GPSM2: variants seen among roughly 807,000 people sequenced by gnomAD.
The protein encoded by GPSM2 is G protein signaling modulator 2.
GPSM2 carries 58 observed loss-of-function variants against 78.4 expected under a neutral mutation model. The observed-to-expected ratio is 0.74, with a 90% CI of 0.60 to 0.92. The LOEUF (loss-of-function observed/expected upper bound fraction) is 0.92, where lower values mean the gene tolerates loss of function less well. GPSM2 is among the 40% of genes least tolerant of loss of function. The probability of loss-of-function intolerance (pLI) is 0.00; values close to 1 mark genes in which losing one functional copy is unlikely to be tolerated. For synonymous variants in GPSM2, 224 were observed against 280.2 expected (o/e 0.80, Z 2.00); for missense variants, 700 against 815.5 (o/e 0.86, Z 1.73).
chr1:108,884,596 A>G (rs1369130729), intron 1 of GPSM2, among the ~76,000 whole-genome samples: 3 of 152,204 alleles, frequency 2.0e-5, no homozygotes, highest in Non-Finnish European at 4.4e-5. Flanking sequence ...AAGGAACAAA[A>G]TACAGTTTAG....
chr1:108,904,069 C>T lies in GPSM2; in HGVS notation c.1063-56C>T, dbSNP rs1006455136. The stretch of plus-strand genomic sequence containing the variant: ...TAGGTTCACTACATTTACAAATAAT[C>T]TTCACCATTCTTTCTCTTTAAATAC... On this transcript the variant is annotated intron_variant, in intron 9 of 14. Coordinates refer to ENST00000264126, the MANE Select transcript of GPSM2 (RefSeq NM_013296.5). 3.4e-5 allele frequency: 41 copies of T among 1,205,514 alleles called. 1 individual carries two copies. Among genetic ancestry groups the T allele is most frequent in the Non-Finnish European group, 5.0e-5 (41 of 814,610 alleles). 74.7% of individuals were successfully genotyped at this position (1,205,514 alleles called of 1,614,324 possible).
chr1:108,915,705 G>A (rs1239344401), intron 11 of GPSM2, among the ~76,000 whole-genome samples: 4 of 151,886 alleles, frequency 2.6e-5, no homozygotes, highest in Admixed American at 6.6e-5. Flanking sequence ...GATTACAGGC[G>A]TGAGCCACTG....
chr1:108,898,772 T>C lies in GPSM2; in HGVS notation c.681+7T>C. On this transcript the variant is annotated splice_region_variant and intron_variant, in intron 6 of 14. Coordinates refer to ENST00000264126, the MANE Select transcript of GPSM2 (RefSeq NM_013296.5). ...AGTTATAGCTCATGAGCAGGTACAG[T>C]GGAAAGCCTTGGAGCCAGATCATTT... 6.2e-7 allele frequency: 1 copy of C among 1,613,928 alleles called. No individual in the cohort carries two copies. The highest frequency in any genetic ancestry group is 8.5e-7 in the Non-Finnish European group (1 of 1,179,810).
chr1:108,908,728 A>ACACACAC (rs1649461870), intron 10 of GPSM2, among the ~76,000 whole-genome samples: 1 of 148,354 alleles, frequency 6.7e-6, no homozygotes, highest in African/African-American at 2.6e-5. Flanking sequence ...TCAAAACACA[A>ACACACAC]ACACACACAC....
chr1:108,890,917 T>C (rs60533130), intron 2 of GPSM2, among the ~76,000 whole-genome samples: 1 of 152,304 alleles, frequency 6.6e-6, no homozygotes, highest in East Asian at 1.9e-4. Flanking sequence ...AAGGAATTAT[T>C]AATTTTTTAT....
chr1:108,917,280 C>A (rs1023770445), intron 11 of GPSM2, among the ~76,000 whole-genome samples: 14 of 151,968 alleles, frequency 9.2e-5, no homozygotes, highest in Middle Eastern at 3.4e-3. Context: ...TTAAAAACAG[C>A]AACAAGGCCG....
intron 14 of GPSM2, chr1:108,924,432 GAC>G: frequency 1.6e-6 from 1 of 613,214 alleles, no homozygotes; most frequent in Non-Finnish European, 2.9e-6. Flanking sequence ...TTTTAGGAGA[GAC>G]GTGTGTGTGT....
In GPSM2 at chr1:108,931,458, C is replaced by T. The variant is rs919601903; in HGVS notation, c.*1518C>T. The T allele has an allele frequency of 3.9e-6, 6 of 1,550,818 alleles. No homozygotes were observed. In the East Asian group the frequency reaches 7.3e-5, roughly 19 times the overall value. On this transcript the variant is annotated 3_prime_UTR_variant, in exon 15 of 15. Transcript: ENST00000264126. ...CTTGGAACAAGTTGCCAACTTGTTTCACTCTGCTTGCTTCAGACTGTGCAC... is the reference window on the plus strand; with the variant it reads ...CTTGGAACAAGTTGCCAACTTGTTTTACTCTGCTTGCTTCAGACTGTGCAC...
chr1:108,888,196 C>T (rs1378853829), intron 2 of GPSM2, among the ~76,000 whole-genome samples: 1 of 152,100 alleles, frequency 6.6e-6, no homozygotes, highest in African/African-American at 2.4e-5. Context: ...GGACTACAGG[C>T]GTGTGCCACC....
chr1:108,909,953 A>T (rs1286279675), intron 10 of GPSM2: 1 of 150,908 alleles, frequency 6.6e-6, no homozygotes, highest in African/African-American at 2.4e-5. Context: ...GCTTAATACC[A>T]TCTAGCTTAA....
chr1:108,897,058 A>G lies in GPSM2; in HGVS notation c.251A>G (p.Tyr84Cys), dbSNP rs755970517. 6.2e-7 allele frequency: 1 copy of G among 1,610,024 alleles called. No individual in the cohort carries two copies. Among genetic ancestry groups the G allele is most frequent in the Non-Finnish European group, 8.5e-7 (1 of 1,176,640 alleles). ...YLHDYAKALE[Y>C]HHHDLTLART... ...CATGATTATGCCAAAGCATTAGAATATCACCATCATGATTTAACCCTTGCA... is the reference window on the plus strand; with the variant it reads ...CATGATTATGCCAAAGCATTAGAATGTCACCATCATGATTTAACCCTTGCA... Residue 84 changes from tyrosine to cysteine, a missense_variant, in exon 3 of 15, where the codon TAT becomes TGT. Transcript: ENST00000264126.
chr1:108,914,789 A>G (rs1055721989), intron 11 of GPSM2, among the ~76,000 whole-genome samples: 2 of 152,222 alleles, frequency 1.3e-5, no homozygotes, highest in Admixed American at 1.3e-4. Context: ...TTAATAGAAG[A>G]TCAGGAAGAT....
In GPSM2 at chr1:108,918,755, A is replaced by G; in HGVS notation, c.1406A>G (p.Asn469Ser). Residue 469 changes from asparagine to serine, a missense_variant, in exon 12 of 15, where the codon AAT (asparagine) becomes AGT (serine). By Grantham distance (46) the Asn-to-Ser change is conservative. Coordinates refer to ENST00000264126, the MANE Select transcript of GPSM2 (RefSeq NM_013296.5). Reference protein sequence around the residue: ...SSTKVLQDASNSIDHRIPNSQ... With the variant: ...SSTKVLQDASSSIDHRIPNSQ... The stretch of plus-strand genomic sequence containing the variant: ...ACTAAAGTTCTCCAAGATGCCAGTA[A>G]TTCTATTGACCACCGAATTCCAAAT... 6.2e-7 allele frequency: 1 copy of G among 1,613,824 alleles called. No homozygotes were observed. Among genetic ancestry groups the G allele is most frequent in the Non-Finnish European group, 8.5e-7 (1 of 1,179,748 alleles).
chr1:108,890,350 T>G (rs1465657393), intron 2 of GPSM2, among the ~76,000 whole-genome samples: 1 of 152,226 alleles, frequency 6.6e-6, no homozygotes, highest in African/African-American at 2.4e-5. Context: ...AATAGTATTG[T>G]GCTTTCTAAT....
intron 14 of GPSM2, chr1:108,926,685 G>A (rs557852218): frequency 6.6e-6 from 1 of 152,276 alleles, no homozygotes; most frequent in Admixed American, 6.5e-5. Context: ...ACTCTTTCAT[G>A]ATAAAAACTT....
intron 2 of GPSM2, among the ~76,000 whole-genome samples, chr1:108,892,540 T>A (rs1648049533): frequency 6.6e-6 from 1 of 152,248 alleles, no homozygotes; most frequent in Non-Finnish European, 1.5e-5. Flanking sequence ...ATATTTTCTT[T>A]GATTATACAG....
chr1:108,925,498 C>G (rs10858009), intron 14 of GPSM2, among the ~76,000 whole-genome samples: 53,892 of 150,982 alleles, frequency 0.36, 11,223 homozygotes, highest in African/African-American at 0.57. Context: ...GAAGCAACAG[C>G]CAGAGAGTTG....
intron 10 of GPSM2, among the ~76,000 whole-genome samples, chr1:108,911,162 C>T (rs569599230): frequency 2.6e-5 from 4 of 152,232 alleles, no homozygotes; most frequent in East Asian, 3.9e-4. Context: ...CATGCAAAAA[C>T]TAACCAAAAG....
chr1:108,884,467 C>T (rs1256855195), intron 1 of GPSM2, among the ~76,000 whole-genome samples: 1 of 152,158 alleles, frequency 6.6e-6, no homozygotes, highest in Non-Finnish European at 1.5e-5. Context: ...TGTAGCTATG[C>T]ACAACAATTG....
Sources: gnomAD v4.1 joint callset for allele counts (sites outside exome capture counted in the v4.1 genomes callset) on GRCh38, gnomAD v4.1.1 for gene constraint, MANE v1.5 for transcripts, NCBI Gene and HGNC (gene_info 2026-07-23, HGNC 2026-07-21) for gene names.